Variants in WDR11 observed in about 807,000 individuals in gnomAD.
The protein encoded by WDR11 is WD repeat-containing protein 11.
WDR11 carries 83 observed loss-of-function variants against 151.2 expected under a neutral mutation model. That is an observed-to-expected ratio of 0.55 (90% CI 0.46 to 0.66). The LOEUF is 0.66. WDR11 is among the 30% of genes least tolerant of loss of function. WDR11 has a pLI of 0.00. For synonymous variants in WDR11, 484 were observed against 533.1 expected (o/e 0.91, Z 1.27); for missense variants, 1,301 against 1,480.9 (o/e 0.88, Z 1.99).
At chr10:120,906,597 A>G in intron 27 of WDR11, 179 bp from the exon 28 acceptor site, 1 of 1,463,882 alleles carries the variant, frequency 6.8e-7, no homozygotes, top group Non-Finnish European at 9.0e-7. Context: ...TTGTGTTTGG[A>G]GATGTGAGTA....
chr10:120,866,417 TTAG>T (rs1467000563), intron 7 of WDR11, 149 bp from the exon 8 acceptor site: 1 of 788,678 alleles, frequency 1.3e-6, no homozygotes, highest in Non-Finnish European at 2.1e-6. Flanking sequence ...TGGAAAAAAT[TTAG>T]TAGTAATTGT....
chr10:120,883,916 C>G, intron 14 of WDR11, 28 bp downstream of exon 14: 4 of 1,551,282 alleles, frequency 2.6e-6, no homozygotes, highest in Non-Finnish European at 3.6e-6. Context: ...AATTTAATAG[C>G]TTATTTAGGT....
chr10:120,884,606 C>CA (rs34657107), intron 14 of WDR11, among the ~76,000 whole-genome samples: 283 of 126,104 alleles, frequency 2.2e-3, no homozygotes, highest in African/African-American at 5.8e-3. Flanking sequence ...AACCAAAAGG[C>CA]AAAAAAAAAA....
Position 120,902,241 on chromosome 10 carries a change from C to G in WDR11, c.2688-16C>G. On this transcript the variant is annotated splice_polypyrimidine_tract_variant and intron_variant, in intron 21 of 28. Transcript: ENST00000263461. Reference sequence around the variant, plus strand: ...TGAAAACTTTTGTCTCACTTTTGTCCGGATTTCTTCCACAGTGACATAAAG... The same window carrying G: ...TGAAAACTTTTGTCTCACTTTTGTCGGGATTTCTTCCACAGTGACATAAAG... The G allele has an allele frequency of 6.2e-7, 1 of 1,613,258 alleles. No individual in the cohort carries two copies. Among genetic ancestry groups the G allele is most frequent in the South Asian group, 1.1e-5 (1 of 91,026 alleles).
At chr10:120,871,618 C>T (rs994937275) in intron 10 of WDR11, among the ~76,000 whole-genome samples, 3 of 152,094 alleles carry the variant, frequency 2.0e-5, no homozygotes, top group Non-Finnish European at 4.4e-5. Context: ...TCGGAAATAC[C>T]AGGAGGCTCA....
At chr10:120,867,884 A>G (rs1846369853) in intron 9 of WDR11, among the ~76,000 whole-genome samples, 1 of 152,328 alleles carries the variant, frequency 6.6e-6, no homozygotes, top group South Asian at 2.1e-4. Context: ...TCAAAAAATC[A>G]TTTTTGGAGA....
chr10:120,895,847 A>C (rs183242512), intron 19 of WDR11, among the ~76,000 whole-genome samples: 2 of 152,208 alleles, frequency 1.3e-5, no homozygotes, highest in Admixed American at 6.5e-5. Flanking sequence ...TGGCAAGGCT[A>C]TGAGGAAACA....
At chr10:120,882,612 C>G (rs981685342) in intron 13 of WDR11, among the ~76,000 whole-genome samples, 1 of 149,190 alleles carries the variant, frequency 6.7e-6, no homozygotes, top group African/African-American at 2.5e-5. Flanking sequence ...TTGGTGTCTT[C>G]CAAGTAATCT....
intron 2 of WDR11, chr10:120,856,115 G>T (rs535871297): frequency 1.3e-5 from 2 of 152,080 alleles, no homozygotes; most frequent in Non-Finnish European, 2.9e-5. Context: ...TATTCCCATC[G>T]ACTGAAGAAT....
At chr10:120,852,011 A>T (rs1590047081) in intron 1 of WDR11, 1 of 199,962 alleles carries the variant, frequency 5.0e-6, no homozygotes, top group East Asian at 1.4e-4. Flanking sequence ...GGTCGTCTTT[A>T]TTACTCTCTC....
chr10:120,893,352 C>T (rs61320966), intron 19 of WDR11, among the ~76,000 whole-genome samples: 4 of 151,878 alleles, frequency 2.6e-5, no homozygotes, highest in Non-Finnish European at 5.9e-5. Context: ...ACTCATCATT[C>T]TTTATGGCTG....
intron 2 of WDR11, among the ~76,000 whole-genome samples, chr10:120,855,669 T>A (rs1231239606): frequency 6.6e-6 from 1 of 152,212 alleles, no homozygotes. Context: ...TTATATATGA[T>A]GTGAAATAGG....
chr10:120,859,003 T>C (rs538349286), intron 3 of WDR11, among the ~76,000 whole-genome samples: 29 of 152,336 alleles, frequency 1.9e-4, no homozygotes, highest in African/African-American at 5.8e-4. Context: ...TCTCAACTGA[T>C]TTGTGCTTTG....
rs1848194571 is a variant in WDR11 at position 120,909,213 on chromosome 10, T to A, written c.*500T>A. On this transcript the variant is annotated 3_prime_UTR_variant, in exon 29 of 29. Coordinates refer to ENST00000263461, the MANE Select transcript of WDR11 (RefSeq NM_018117.12). ...TAGTTTACCAAAGCATTTTTTGTTT[T>A]CTTACCTTGAAAACACAGAACCGTT... 1 of 159,014 alleles carries A rather than the reference T, an allele frequency of 6.3e-6. No individual in the cohort carries two copies. The highest frequency in any genetic ancestry group is 2.4e-5 in the African/African-American group (1 of 41,494). The allele number at this position is 159,014 out of a possible 1,614,324, so 9.9% of individuals were successfully genotyped here. A position where few individuals can be genotyped will look rare whatever the true frequency, so the allele number is the denominator to read the frequency against.
At position 120,878,394 on chromosome 10, in the gene WDR11, C is replaced by T. The variant is rs762653411; in HGVS notation, c.1598C>T (p.Ala533Val). 1 of 1,613,092 alleles carries T rather than the reference C, an allele frequency of 6.2e-7. No homozygotes were observed. Among genetic ancestry groups the T allele is most frequent in the Non-Finnish European group, 8.5e-7 (1 of 1,179,464 alleles). The change falls in exon 12 of 29, where the codon GCT (alanine) becomes GTT (valine). Residue 533 changes from alanine to valine, a missense_variant. Around this residue, in one of 3 missense-constraint regions of WDR11, gnomAD observed 692 missense variants for 762.5 expected, o/e 0.91. Coordinates refer to ENST00000263461, the MANE Select transcript of WDR11 (RefSeq NM_018117.12). ...AGTTTGACTAGTTTTCTTTCTTTTG[C>T]TACCTCAACACCAAACAATATGGGA... is the stretch of plus-strand genomic sequence containing the variant. ...WTSLTSFLSF[A>V]TSTPNNMGLV...
chr10:120,864,181 C>T (rs1229898469), intron 5 of WDR11, among the ~76,000 whole-genome samples: 1 of 151,950 alleles, frequency 6.6e-6, no homozygotes, highest in East Asian at 1.9e-4. Context: ...AAACTGAGTC[C>T]CACACCAATT....
chr10:120,906,617 C>A, intron 27 of WDR11, 159 bp from the exon 28 acceptor site: 1 of 1,500,986 alleles, frequency 6.7e-7, no homozygotes, highest in Non-Finnish European at 8.9e-7. Flanking sequence ...ATTCTTCCCT[C>A]CTTTTTTCAA....
chr10:120,894,682 C>T (rs1199496043), intron 19 of WDR11, among the ~76,000 whole-genome samples: 1 of 152,176 alleles, frequency 6.6e-6, no homozygotes, highest in Non-Finnish European at 1.5e-5. Flanking sequence ...TTTCTGCATT[C>T]CTGTCATGTA....
Position 120,889,975 on chromosome 10 carries a change from A to G in WDR11, c.2309A>G (p.Tyr770Cys), listed in dbSNP as rs769800177. The change falls in exon 18 of 29, where the codon TAC (tyrosine) becomes TGC (cysteine). Residue 770 changes from tyrosine to cysteine, a missense_variant. Physicochemically the swap from Tyr to Cys is radical, Grantham distance 194 (BLOSUM62 -2). Coordinates refer to ENST00000263461, the MANE Select transcript of WDR11 (RefSeq NM_018117.12). The part of the protein sequence containing the change: ...GKGNQKLIAM[Y>C]NDGAEVWDTK... ...GGAAATCAAAAATTAATAGCAATGT[A>G]CAATGATGGAGCTGAAGTGTGGGAT... 6 of 1,613,948 alleles carry G rather than the reference A, an allele frequency of 3.7e-6. No homozygotes were observed. The highest frequency in any genetic ancestry group is 3.4e-6 in the Non-Finnish European group (4 of 1,179,830).
Sources: gnomAD v4.1 joint callset for allele counts (sites outside exome capture counted in the v4.1 genomes callset) on GRCh38, gnomAD v4.1.1 for gene constraint, gnomAD v4.1.1 regional missense constraint, MANE v1.5 for transcripts, NCBI Gene and HGNC (gene_info 2026-07-23, HGNC 2026-07-21) for gene names.